Variants in PTPRD observed in about 807,000 individuals in gnomAD.
PTPRD encodes the protein protein tyrosine phosphatase receptor type D.
A neutral mutation model predicts 214.5 loss-of-function variants in PTPRD; 34 were observed. The ratio of observed to expected loss-of-function variants is 0.16; its 90% CI spans 0.12 to 0.21. PTPRD has a LOEUF of 0.21. Among genes scored for constraint, PTPRD ranks in the 10% least tolerant of loss-of-function variants. The probability of loss-of-function intolerance (pLI) is 1.00; values close to 1 mark genes in which losing one functional copy is unlikely to be tolerated. For synonymous variants in PTPRD, 1,128 were observed against 845.7 expected (o/e 1.33, Z -5.79); for missense variants, 2,545 against 2,398.7 (o/e 1.06, Z -1.27).
chr9:9,434,940 G>C (rs547655975), intron 8 of PTPRD, among the ~76,000 whole-genome samples: 1 of 149,588 alleles, frequency 6.7e-6, no homozygotes, highest in South Asian at 2.1e-4. Context: ...GTTTTCATTA[G>C]ACTTTGATAA....
intron 31 of PTPRD, among the ~76,000 whole-genome samples, chr9:8,466,133 G>C (rs10815880): frequency 1.3e-5 from 2 of 151,840 alleles, no homozygotes; most frequent in African/African-American, 2.4e-5. Flanking sequence ...AGATTGTTTT[G>C]AGTAATGAGA....
At chr9:8,505,636 A>G (rs912653242) in intron 22 of PTPRD, among the ~76,000 whole-genome samples, 3 of 150,782 alleles carry the variant, frequency 2.0e-5, no homozygotes, top group Non-Finnish European at 4.4e-5. Flanking sequence ...AAAAAAAAAA[A>G]AAAAAAAAAG....
At chr9:8,854,853 T>C (rs2097885463) in intron 11 of PTPRD, among the ~76,000 whole-genome samples, 1 of 152,206 alleles carries the variant, frequency 6.6e-6, no homozygotes. Context: ...CCCTACATTA[T>C]GCAAATAACA....
intron 4 of PTPRD, among the ~76,000 whole-genome samples, chr9:9,967,697 G>A (rs187287337): frequency 6.6e-6 from 1 of 152,132 alleles, no homozygotes; most frequent in Admixed American, 6.5e-5. Flanking sequence ...CATCCCATGG[G>A]GTTGGCAGTT....
chr9:9,680,940 G>A (rs972102066), intron 7 of PTPRD, among the ~76,000 whole-genome samples: 1 of 151,772 alleles, frequency 6.6e-6, no homozygotes, highest in African/African-American at 2.4e-5. Context: ...AGGCCCACAA[G>A]AATCAATCTT....
At chr9:9,155,971 A>G (rs1336723644) in intron 10 of PTPRD, among the ~76,000 whole-genome samples, 1 of 152,108 alleles carries the variant, frequency 6.6e-6, no homozygotes, top group Non-Finnish European at 1.5e-5. Context: ...CTACTCCCTT[A>G]GACCTTGTAA....
intron 37 of PTPRD, 149 bp downstream of exon 37, chr9:8,389,083 A>G (rs919194680): frequency 9.4e-6 from 5 of 534,480 alleles, no homozygotes; most frequent in Non-Finnish European, 1.5e-5. Context: ...AGAATGGTTT[A>G]ATTAGAGTTG....
At chr9:8,441,106 T>C (rs754027031) in intron 34 of PTPRD, among the ~76,000 whole-genome samples, 2 of 152,148 alleles carry the variant, frequency 1.3e-5, no homozygotes, top group Admixed American at 1.3e-4. Context: ...TATCATATAG[T>C]CAACATTTTC....
chr9:9,225,907 T>G (rs930984117), intron 9 of PTPRD, among the ~76,000 whole-genome samples: 2 of 151,984 alleles, frequency 1.3e-5, no homozygotes, highest in Non-Finnish European at 2.9e-5. Flanking sequence ...TTAAAGAGTA[T>G]GAATACCTCC....
At chr9:10,534,640 C>T (rs561969110) in intron 2 of PTPRD, among the ~76,000 whole-genome samples, 2 of 151,978 alleles carry the variant, frequency 1.3e-5, no homozygotes, top group Non-Finnish European at 1.5e-5. Context: ...TTAATTCGTC[C>T]TTACTAGGTT....
chr9:9,695,945 A>AT (rs549626103), intron 7 of PTPRD, among the ~76,000 whole-genome samples: 6 of 151,272 alleles, frequency 4.0e-5, no homozygotes, highest in South Asian at 2.1e-4. Flanking sequence ...CTCCTTTTCA[A>AT]TTTTTTTTTA....
chr9:9,682,856 C>G (rs1203328331), intron 7 of PTPRD, among the ~76,000 whole-genome samples: 1 of 151,752 alleles, frequency 6.6e-6, no homozygotes, highest in Non-Finnish European at 1.5e-5. Flanking sequence ...TCCACAAATA[C>G]TCCAGGACCT....
At chr9:9,416,245 C>T (rs1300790220) in intron 8 of PTPRD, among the ~76,000 whole-genome samples, 1 of 152,134 alleles carries the variant, frequency 6.6e-6, no homozygotes, top group Non-Finnish European at 1.5e-5. Context: ...AATTAGAGAA[C>T]TCATTCTAAA....
At chr9:10,308,558 T>C (rs2096164604) in intron 3 of PTPRD, among the ~76,000 whole-genome samples, 1 of 152,076 alleles carries the variant, frequency 6.6e-6, no homozygotes, top group African/African-American at 2.4e-5. Context: ...CTTTTGTGGT[T>C]TCATAAAAAT....
intron 37 of PTPRD, among the ~76,000 whole-genome samples, chr9:8,388,285 C>A (rs2087970629): frequency 6.6e-6 from 1 of 152,152 alleles, no homozygotes; most frequent in African/African-American, 2.4e-5. Flanking sequence ...TCAACTTTCA[C>A]ACAGTAAATG....
intron 9 of PTPRD, among the ~76,000 whole-genome samples, chr9:9,395,252 C>T (rs1569567959): frequency 1.3e-5 from 2 of 151,732 alleles, no homozygotes; most frequent in East Asian, 2.0e-4. Flanking sequence ...CACAAAGCAG[C>T]AACATAAACA....
At chr9:8,425,446 C>G (rs1306626543) in intron 35 of PTPRD, among the ~76,000 whole-genome samples, 1 of 108,966 alleles carries the variant, frequency 9.2e-6, no homozygotes, top group Non-Finnish European at 1.9e-5. Flanking sequence ...AGCAGCATGA[C>G]CCTGAGCTGC....
intron 5 of PTPRD, among the ~76,000 whole-genome samples, chr9:9,853,539 G>T (rs77040057): frequency 2.0e-5 from 3 of 151,450 alleles, no homozygotes; most frequent in Admixed American, 1.3e-4. Context: ...ATTTTTAAGG[G>T]TTTTTTTTGT....
At chr9:9,961,326 C>A (rs1175382934) in intron 4 of PTPRD, among the ~76,000 whole-genome samples, 1 of 152,066 alleles carries the variant, frequency 6.6e-6, no homozygotes, top group East Asian at 1.9e-4. Flanking sequence ...TCATCTGTTC[C>A]TTGTTTGAGA....
Sources: gnomAD v4.1 joint callset for allele counts (sites outside exome capture counted in the v4.1 genomes callset) on GRCh38, gnomAD v4.1.1 for gene constraint, MANE v1.5 for transcripts, NCBI Gene and HGNC (gene_info 2026-07-23, HGNC 2026-07-21) for gene names.